The following METTL15 variants were observed in gnomAD, a reference collection of about 807,000 sequenced individuals.
The protein encoded by METTL15 is methyltransferase 15, mitochondrial 12S rRNA N4-cytidine, also known as 12S rRNA N(4)-cytidine methyltransferase METTL15.
Under a neutral mutation model 38.3 loss-of-function variants are expected in METTL15, and 34 were observed. The observed-to-expected ratio is 0.89, with a 90% confidence interval of 0.68 to 1.18. The LOEUF is 1.18. Among genes scored for constraint, METTL15 ranks in the 50% most tolerant of loss-of-function variants. The pLI is 0.00. For missense variants in METTL15, 438 were observed against 498.4 expected, an observed-to-expected ratio of 0.88 and a Z score of 1.15; for synonymous variants, 162 against 170.9, an observed-to-expected ratio of 0.95 and a Z score of 0.41.
chr11:28,490,698 A>G (rs921545939), intron 6 of METTL15, among the ~76,000 whole-genome samples: 1 of 152,144 alleles, frequency 6.6e-6, no homozygotes, highest in African/African-American at 2.4e-5. Flanking sequence ...TAATTTGCCT[A>G]TTAACTGTAA....
rs565508685 is a variant in METTL15, at chr11:28,241,752, G to C, written c.407+30554G>C. ...AAAAGCCAGAGCAAGGTAAAGGCCT[G>C]AAAGTTATACCACATGTGCCTGGTT... On this transcript the variant is annotated intron_variant, in intron 4 of 6. Transcript: ENST00000407364. 5.9e-5 allele frequency among the ~76,000 whole-genome samples: 9 copies of C among 152,262 alleles called. No individual in the cohort carries two copies. The East Asian group carries it at 1.5e-3, about 26-fold the overall frequency.
chr11:28,237,771 A>G (rs1325936732), intron 4 of METTL15, among the ~76,000 whole-genome samples: 1 of 152,070 alleles, frequency 6.6e-6, no homozygotes, highest in Admixed American at 6.5e-5. Context: ...TGATGTACAG[A>G]TGGGTTTTTG....
chr11:28,114,767 A>G (rs1280167599), intron 3 of METTL15, among the ~76,000 whole-genome samples: 2 of 152,090 alleles, frequency 1.3e-5, no homozygotes, highest in African/African-American at 2.4e-5. Context: ...AAGTTTTGGT[A>G]TGTACATATG....
chr11:28,385,957 T>C (rs148758460), intron 5 of METTL15, among the ~76,000 whole-genome samples: 2 of 152,204 alleles, frequency 1.3e-5, no homozygotes, highest in East Asian at 1.9e-4. Context: ...TGTTAATGGA[T>C]ACAAAATACA....
At chr11:28,362,332 T>A (rs1357663726) in intron 5 of METTL15, among the ~76,000 whole-genome samples, 2 of 152,194 alleles carry the variant, frequency 1.3e-5, no homozygotes, top group Non-Finnish European at 2.9e-5. Context: ...TTCTTTTTTT[T>A]AATTTCAACT....
At chr11:28,468,896 A>ATT (rs1851279809) in intron 6 of METTL15, among the ~76,000 whole-genome samples, 1 of 152,200 alleles carries the variant, frequency 6.6e-6, no homozygotes, top group Non-Finnish European at 1.5e-5. Flanking sequence ...TCTATTTTAC[A>ATT]TTGCAGAGAC....
At chr11:28,479,575 T>A (rs1248504060) in intron 6 of METTL15, among the ~76,000 whole-genome samples, 3 of 152,182 alleles carry the variant, frequency 2.0e-5, no homozygotes, top group Non-Finnish European at 4.4e-5. Flanking sequence ...CTGATATAGA[T>A]TCCATCCAGC....
chr11:28,187,158 A>T (rs1851526626), intron 3 of METTL15, among the ~76,000 whole-genome samples: 1 of 151,246 alleles, frequency 6.6e-6, no homozygotes, highest in East Asian at 1.9e-4. Context: ...GTAAATATAA[A>T]ATTAACTAAA....
chr11:28,435,309 CA>C (rs1479691940), intron 6 of METTL15, among the ~76,000 whole-genome samples: 1 of 152,118 alleles, frequency 6.6e-6, no homozygotes. Flanking sequence ...CATAGAATGG[CA>C]AAACGAGGAC....
At chr11:28,323,329 C>T (rs766339841) in intron 6 of METTL15, among the ~76,000 whole-genome samples, 6 of 151,842 alleles carry the variant, frequency 4.0e-5, no homozygotes, top group Non-Finnish European at 7.4e-5. Context: ...TTACCTGAGT[C>T]TGTATTCTAG....
intron 4 of METTL15, among the ~76,000 whole-genome samples, chr11:28,266,779 A>G (rs2133949452): frequency 6.6e-6 from 1 of 152,256 alleles, no homozygotes; most frequent in African/African-American, 2.4e-5. Context: ...TATTCTCAAC[A>G]TGGCAGCCAT....
intron 3 of METTL15, among the ~76,000 whole-genome samples, chr11:28,140,148 G>A (rs1299760780): frequency 6.6e-6 from 1 of 152,218 alleles, no homozygotes; most frequent in African/African-American, 2.4e-5. Flanking sequence ...GTGGGGGTGT[G>A]AGATGTGCCT....
intron 6 of METTL15, among the ~76,000 whole-genome samples, chr11:28,463,644 A>G (rs1851233865): frequency 1.3e-5 from 2 of 152,164 alleles, no homozygotes; most frequent in Non-Finnish European, 2.9e-5. Context: ...CCATGAGGCC[A>G]CTGTATTTAT....
chr11:28,381,050 G>T (rs529264551), intron 5 of METTL15, among the ~76,000 whole-genome samples: 4 of 152,238 alleles, frequency 2.6e-5, no homozygotes, highest in Non-Finnish European at 4.4e-5. Flanking sequence ...AAGTCCAGTG[G>T]CATGTTCATA....
chr11:28,528,727 A>G (rs1217338890), downstream of METTL15, among the ~76,000 whole-genome samples: 1 of 152,168 alleles, frequency 6.6e-6, no homozygotes, highest in Non-Finnish European at 1.5e-5. Flanking sequence ...TATTTGTGGT[A>G]TGTGTGTTTG....
intron 6 of METTL15, among the ~76,000 whole-genome samples, chr11:28,316,813 C>T (rs10835308): frequency 0.11 from 16,926 of 152,150 alleles, 1,514 homozygotes; most frequent in East Asian, 0.36. Flanking sequence ...CCTGCACGAG[C>T]TCTCATTTTG....
At chr11:28,153,870 C>T (rs1850176177) in intron 3 of METTL15, among the ~76,000 whole-genome samples, 1 of 152,020 alleles carries the variant, frequency 6.6e-6, no homozygotes, top group Non-Finnish European at 1.5e-5. Flanking sequence ...TACAAATATC[C>T]ATGTGGTAGA....
chr11:28,445,140 A>G (rs1356508794), intron 6 of METTL15, among the ~76,000 whole-genome samples: 2 of 152,138 alleles, frequency 1.3e-5, no homozygotes, highest in African/African-American at 4.8e-5. Context: ...AGTGGTGAGG[A>G]ACAGATGAGA....
intron 6 of METTL15, among the ~76,000 whole-genome samples, chr11:28,306,151 T>G (rs537867862): frequency 1.3e-5 from 2 of 152,242 alleles, no homozygotes; most frequent in Middle Eastern, 3.4e-3. Context: ...TCTGGATGAA[T>G]TTTAGACTGC....
Sources: allele counts gnomAD v4.1 joint callset (sites outside exome capture counted in the v4.1 genomes callset), GRCh38; gene constraint gnomAD v4.1.1; transcripts MANE v1.5; gene names NCBI Gene and HGNC (gene_info 2026-07-23, HGNC 2026-07-21).